HERC2: variants seen among roughly 807,000 people sequenced by gnomAD.
HERC2 encodes the protein HECT and RLD domain containing E3 ubiquitin protein ligase 2.
Under a neutral mutation model 537.7 loss-of-function variants are expected in HERC2, and 102 were observed. That is an observed-to-expected ratio of 0.19 (90% CI 0.16 to 0.22). HERC2 has a LOEUF of 0.22. Among genes scored for constraint, HERC2 ranks in the 10% least tolerant of loss-of-function variants. The pLI, the probability that HERC2 is intolerant of heterozygous loss-of-function variation, is 1.00. For synonymous variants in HERC2, 2,224 were observed against 2,466.2 expected (o/e 0.90, Z 2.91); for missense variants, 4,236 against 6,198.2 (o/e 0.68, Z 10.63).
At chr15:28,201,595 C>T (rs1468014640) in intron 47 of HERC2, 41 bp from the exon 48 acceptor site, 7 of 1,187,330 alleles carry the variant, frequency 5.9e-6, no homozygotes, top group Non-Finnish European at 8.8e-6. Context: ...AACAGGAGAA[C>T]ATGATAAACC....
At chr15:28,310,639 A>G (rs2076916243) in intron 2 of HERC2, among the ~76,000 whole-genome samples, 1 of 152,152 alleles carries the variant, frequency 6.6e-6, no homozygotes, top group African/African-American at 2.4e-5. Context: ...TGCACATGAT[A>G]AGAGGCTAAC....
intron 44 of HERC2, among the ~76,000 whole-genome samples, chr15:28,208,700 G>A (rs1198017790): frequency 3.9e-5 from 6 of 152,030 alleles, no homozygotes; most frequent in East Asian, 1.9e-4. Context: ...CCAAAGACTC[G>A]CCACTTTCAC....
Position 28,132,639 on chromosome 15 carries a change from C to T in HERC2, c.12408+14G>A, listed in dbSNP as rs377215913. 4.8e-6 allele frequency: 7 copies of T among 1,471,412 alleles called. No individual in the cohort carries two copies. Among genetic ancestry groups the T allele is most frequent in the South Asian group, 2.8e-5 (2 of 70,234 alleles). 91.1% of individuals were successfully genotyped at this position (1,471,412 alleles called of 1,614,324 possible). A position where few individuals can be genotyped will look rare whatever the true frequency, so the allele number is the denominator to read the frequency against. ...GCATGCAGCCTCCGGCCTCTGCACA[C>T]GGCGCCTCCTCACCAGCTTCGGCTT... is the stretch of plus-strand genomic sequence containing the variant. On this transcript the variant is annotated intron_variant, in intron 80 of 92. Transcript: ENST00000261609.
At chr15:28,272,780 C>G (rs2075772435) in intron 8 of HERC2, 114 bp downstream of exon 8, 12 of 674,932 alleles carry the variant, frequency 1.8e-5, no homozygotes, top group Admixed American at 5.5e-5. Flanking sequence ...GTTCTCCGTA[C>G]AGAGTACCAC....
At chr15:28,185,981 A>C (rs140366877) in intron 56 of HERC2, among the ~76,000 whole-genome samples, 1 of 152,252 alleles carries the variant, frequency 6.6e-6, no homozygotes, top group Non-Finnish European at 1.5e-5. Flanking sequence ...GTGCTCAGAT[A>C]AAATAAGGAA....
rs768911637 is a variant in HERC2 at position 28,130,572 on chromosome 15, C to T, written c.12593G>A (p.Gly4198Glu). Residue 4198 changes from glycine to glutamate, a missense_variant, in exon 82 of 93, where the codon GGA becomes GAA. Transcript: ENST00000261609. The part of the protein sequence containing the change: ...PMKIDSLTGL[G>E]VVKVECGSQF... ...GGATCCGCATTCCACTTTAACTACT[C>T]CAAGACCAGTAAGAGAATCAATCTA... is the stretch of plus-strand genomic sequence containing the variant. The T allele has an allele frequency of 6.2e-7, 1 of 1,613,788 alleles. No homozygotes were observed. Among genetic ancestry groups the T allele is most frequent in the South Asian group, 1.1e-5 (1 of 91,072 alleles).
intron 20 of HERC2, among the ~76,000 whole-genome samples, chr15:28,252,745 A>G: frequency 6.6e-6 from 1 of 152,242 alleles, no homozygotes; most frequent in Admixed American, 6.5e-5. Flanking sequence ...ATGCATTATC[A>G]GATTAGAAAA....
intron 4 of HERC2, among the ~76,000 whole-genome samples, chr15:28,285,803 C>CCAA (rs760639765): frequency 1.9e-4 from 14 of 72,364 alleles, no homozygotes; most frequent in African/African-American, 6.1e-4. Context: ...GCATGACTGA[C>CCAA]AAAAAAAAAA....
chr15:28,321,301 A>T, intron 2 of HERC2, 61 bp downstream of exon 2: 6 of 669,324 alleles, frequency 9.0e-6, no homozygotes, highest in South Asian at 1.7e-5. Context: ...AAAAAGCCTT[A>T]CACGAGAAAT....
In HERC2 at chr15:28,114,703, C is replaced by T; in HGVS notation, c.13822G>A (p.Ala4608Thr). The change falls in exon 90 of 93, where the codon GCC (alanine) becomes ACC (threonine). Residue 4608 changes from alanine (A) to threonine (T), a missense_variant. Around this residue, in one of 27 missense-constraint regions of HERC2, gnomAD observed 313 missense variants for 462.6 expected, o/e 0.68. Transcript: ENST00000261609. ...AMSLPFTVPS[A>T]SGQDIQLSSK... ...CTCAACTGAATGTCCTGGCCACTGG[C>T]ACTTGGCACTGTGAAGGGCAGGCTC... 6.2e-7 allele frequency: 1 copy of T among 1,614,126 alleles called. No individual in the cohort carries two copies.
chr15:28,150,125 G>A (rs943754576), intron 70 of HERC2, among the ~76,000 whole-genome samples: 10 of 150,632 alleles, frequency 6.6e-5, no homozygotes, highest in African/African-American at 1.5e-4. Flanking sequence ...GCTCCTAACC[G>A]AGAACATCAC....
intron 2 of HERC2, among the ~76,000 whole-genome samples, chr15:28,319,262 A>G (rs2525971): frequency 2.8e-4 from 43 of 151,996 alleles, no homozygotes; most frequent in Middle Eastern, 3.4e-3. Flanking sequence ...AAACCTAGTC[A>G]TTTCCCTTAC....
At chr15:28,187,342 G>A (rs1251293297) in intron 55 of HERC2, among the ~76,000 whole-genome samples, 2 of 147,136 alleles carry the variant, frequency 1.4e-5, no homozygotes, top group Non-Finnish European at 3.0e-5. Flanking sequence ...TTGTTTTTTT[G>A]TTTTTTTTGA....
At chr15:28,264,106 C>G (rs1397350471) in intron 14 of HERC2, among the ~76,000 whole-genome samples, 1 of 150,986 alleles carries the variant, frequency 6.6e-6, no homozygotes, top group Non-Finnish European at 1.5e-5. Flanking sequence ...AAAAAGAAAC[C>G]AGAGAAGATA....
At chr15:28,167,112 A>G (rs891519761) in intron 68 of HERC2, among the ~76,000 whole-genome samples, 6 of 152,258 alleles carry the variant, frequency 3.9e-5, no homozygotes, top group African/African-American at 1.4e-4. Context: ...GGGAGGTAAA[A>G]GTATGATGAG....
At chr15:28,112,774 G>T (rs1217985819) in intron 92 of HERC2, among the ~76,000 whole-genome samples, 1 of 152,168 alleles carries the variant, frequency 6.6e-6, no homozygotes, top group Non-Finnish European at 1.5e-5. Flanking sequence ...CACCTAATTC[G>T]ACCAGATAAC....
In HERC2 at chr15:28,182,524, GA is replaced by G. The variant is rs113328328; in HGVS notation, c.8826-13del. ...TCTTTCTAATGAGGCTAACCAAACG[GA>G]AAAAAAAAAGAAAAAGAAAAGAGAG... On this transcript the variant is annotated splice_polypyrimidine_tract_variant and intron_variant, in intron 56 of 92. Transcript: ENST00000261609. 1.8e-3 allele frequency: 2,432 copies of G among 1,364,086 alleles called. No individual in the cohort carries two copies. The highest frequency in any genetic ancestry group is 2.6e-3 in the Middle Eastern group (13 of 5,050). The allele number at this position is 1,364,086 out of a possible 1,614,324, so 84.5% of individuals were successfully genotyped here. A position where few individuals can be genotyped will look rare whatever the true frequency, so the allele number is the denominator to read the frequency against.
chr15:28,293,051 C>T, intron 3 of HERC2, 29 bp from the exon 4 acceptor site: 1 of 1,594,312 alleles, frequency 6.3e-7, no homozygotes, highest in Non-Finnish European at 8.5e-7. Context: ...TTTAATCTGT[C>T]ACCGCTTTTC....
intron 48 of HERC2, among the ~76,000 whole-genome samples, chr15:28,200,529 G>C (rs912496147): frequency 4.6e-5 from 7 of 152,124 alleles, no homozygotes; most frequent in Non-Finnish European, 1.0e-4. Context: ...TGTTGTTGAA[G>C]CTGCCAGTCT....
Sources: allele counts gnomAD v4.1 joint callset (sites outside exome capture counted in the v4.1 genomes callset), GRCh38; gene constraint gnomAD v4.1.1; regional missense constraint gnomAD v4.1.1; transcripts MANE v1.5; gene names NCBI Gene and HGNC (gene_info 2026-07-23, HGNC 2026-07-21).